Variants in PPP1R14C observed in about 807,000 individuals in gnomAD.
The protein encoded by PPP1R14C is protein phosphatase 1 regulatory inhibitor subunit 14C.
In PPP1R14C, 16 loss-of-function variants were observed where a neutral mutation model predicts 20.4. That is an observed-to-expected ratio of 0.78 (90% confidence interval 0.53 to 1.19). The LOEUF (loss-of-function observed/expected upper bound fraction) is 1.19. Among genes scored for constraint, PPP1R14C ranks in the 50% most tolerant of loss-of-function variants. The pLI, the probability that PPP1R14C is intolerant of heterozygous loss-of-function variation, is 0.00. For missense variants in PPP1R14C, 211 were observed against 220.1 expected, an observed-to-expected ratio of 0.96 and a Z score of 0.26; for synonymous variants, 91 against 91.0, an observed-to-expected ratio of 1.00 and a Z score of 0.00.
chr6:150,215,047 G>A (rs1433223367), intron 2 of PPP1R14C, among the ~76,000 whole-genome samples: 3 of 152,154 alleles, frequency 2.0e-5, no homozygotes, highest in Non-Finnish European at 4.4e-5. Context: ...TTTTCAAAGC[G>A]CCTTATGGGT....
At chr6:150,239,512 G>C (rs1778406950) in intron 3 of PPP1R14C, among the ~76,000 whole-genome samples, 1 of 152,126 alleles carries the variant, frequency 6.6e-6, no homozygotes, top group African/African-American at 2.4e-5. Context: ...GAAATTAGAA[G>C]CTATTTTAAA....
At chr6:150,228,835 A>G (rs888332189) in intron 3 of PPP1R14C, among the ~76,000 whole-genome samples, 1 of 152,180 alleles carries the variant, frequency 6.6e-6, no homozygotes, top group African/African-American at 2.4e-5. Flanking sequence ...TAATAATAAT[A>G]GTGATCAGAA....
At chr6:150,169,467 T>G (rs1777473881) in intron 1 of PPP1R14C, among the ~76,000 whole-genome samples, 1 of 152,192 alleles carries the variant, frequency 6.6e-6, no homozygotes, top group Admixed American at 6.5e-5. Context: ...TATCCAACTA[T>G]GTTGGACTTC....
At chr6:150,247,884 G>A (rs1582938347) in intron 3 of PPP1R14C, among the ~76,000 whole-genome samples, 1 of 152,202 alleles carries the variant, frequency 6.6e-6, no homozygotes, top group African/African-American at 2.4e-5. Context: ...ATGAGTCCCT[G>A]TCTTAGTAGT....
chr6:150,143,514 G>A lies in PPP1R14C; in HGVS notation c.306+16G>A, dbSNP rs752369022. 4 of 1,512,680 alleles carry A rather than the reference G, an allele frequency of 2.6e-6. No homozygotes were observed. Among genetic ancestry groups the A allele is most frequent in the Non-Finnish European group, 3.6e-6 (4 of 1,109,018 alleles). The allele number at this position is 1,512,680 out of a possible 1,614,324, so 93.7% of individuals were successfully genotyped here. On this transcript the variant is annotated intron_variant, in intron 1 of 3. Transcript: ENST00000361131. The surrounding 1 kb of genome is among the most constrained non-coding windows in gnomAD (Gnocchi z 5.6). ...CGGCTGCGAGGTACCTGGGCGCGGG[G>A]CTGGGAGGGTCGGGGACCTCTCTAG...
At chr6:150,189,009 C>T (rs1270900605) in intron 1 of PPP1R14C, among the ~76,000 whole-genome samples, 1 of 151,998 alleles carries the variant, frequency 6.6e-6, no homozygotes, top group Non-Finnish European at 1.5e-5. Flanking sequence ...CAGGTGTGCG[C>T]CACCATGCCC....
intron 1 of PPP1R14C, among the ~76,000 whole-genome samples, chr6:150,145,394 T>A (rs1396910169): frequency 6.6e-6 from 1 of 152,232 alleles, no homozygotes; most frequent in Non-Finnish European, 1.5e-5. Flanking sequence ...TGCCTGCATG[T>A]CATTAACGTG....
chr6:150,192,452 A>G (rs1777756664), intron 1 of PPP1R14C, among the ~76,000 whole-genome samples: 1 of 152,110 alleles, frequency 6.6e-6, no homozygotes, highest in Non-Finnish European at 1.5e-5. Flanking sequence ...TCCTATGAGA[A>G]TCTAGTGCTC....
chr6:150,190,247 A>T (rs1777725584), intron 1 of PPP1R14C, among the ~76,000 whole-genome samples: 1 of 151,884 alleles, frequency 6.6e-6, no homozygotes, highest in Non-Finnish European at 1.5e-5. Context: ...TTCCTCTTCA[A>T]TGTCTCCACC....
intron 1 of PPP1R14C, among the ~76,000 whole-genome samples, chr6:150,184,155 C>A (rs1205423882): frequency 6.6e-6 from 1 of 152,142 alleles, no homozygotes; most frequent in Non-Finnish European, 1.5e-5. Flanking sequence ...AGTCACACAT[C>A]CAAGTGCGCG....
rs1195609693 is a variant in PPP1R14C, at chr6:150,194,496, CA to C, written c.307-20246del. 19 of 978,358 alleles carry C rather than the reference CA, an allele frequency of 1.9e-5. No individual in the cohort carries two copies. In the African/African-American group the frequency reaches 3.2e-4, roughly 16 times the overall value. The allele number at this position is 978,358 out of a possible 1,614,324, so 60.6% of individuals were successfully genotyped here. A position where few individuals can be genotyped will look rare whatever the true frequency, so the allele number is the denominator to read the frequency against. On this transcript the variant is annotated intron_variant, in intron 1 of 3. Transcript: ENST00000361131. Reference sequence around the variant, plus strand: ...AAGAGAACCAAATAATGTTCTACTACAATTTGTATGCCAATTATAAATCATG... The same window carrying C: ...AAGAGAACCAAATAATGTTCTACTACATTTGTATGCCAATTATAAATCATG...
chr6:150,144,400 G>A (rs764061792), intron 1 of PPP1R14C, among the ~76,000 whole-genome samples: 1 of 152,026 alleles, frequency 6.6e-6, no homozygotes, highest in Non-Finnish European at 1.5e-5. Flanking sequence ...GCAGCAAAAC[G>A]ACTGAAGCCA....
rs192594192 is a variant in PPP1R14C at position 150,201,619 on chromosome 6, C to T, written c.307-13125C>T. 6.6e-5 allele frequency among the ~76,000 whole-genome samples: 10 copies of T among 152,210 alleles called. No homozygotes were observed. Among genetic ancestry groups the T allele is most frequent in the East Asian group, 3.9e-4 (2 of 5,182 alleles). ...GTCCTAAGACTGGTAGGAAGCCACC[C>T]GTGAGTTCTAAGCTGGTGAATGACA... is the stretch of plus-strand genomic sequence containing the variant. On this transcript the variant is annotated intron_variant, in intron 1 of 3. Coordinates refer to ENST00000361131, the MANE Select transcript of PPP1R14C (RefSeq NM_030949.3). The surrounding 1 kb of genome is among the most constrained non-coding windows in gnomAD (Gnocchi z 4.2).
At position 150,243,174 on chromosome 6, in the gene PPP1R14C, CTT is replaced by C. The variant is rs574248701; in HGVS notation, c.424-5554_424-5553del. Among the ~76,000 whole-genome samples, 773 of 129,250 alleles carry C rather than the reference CTT, an allele frequency of 6.0e-3. 6 individuals are homozygous for C. Among genetic ancestry groups the C allele is most frequent in the African/African-American group, 0.021 (708 of 34,242 alleles). The allele number at this position is 129,250 out of a possible 152,430, so 84.8% of individuals were successfully genotyped here. A position where few individuals can be genotyped will look rare whatever the true frequency, so the allele number is the denominator to read the frequency against. On this transcript the variant is annotated intron_variant, in intron 3 of 3. Coordinates refer to ENST00000361131, the MANE Select transcript of PPP1R14C (RefSeq NM_030949.3). ...AATTTACAAGCTGATTCTAAAATTCCTTTTTTTTTTTTTTTTTTTGAGATGGA... is the reference window on the plus strand; with the variant it reads ...AATTTACAAGCTGATTCTAAAATTCCTTTTTTTTTTTTTTTTTGAGATGGA...
intron 3 of PPP1R14C, among the ~76,000 whole-genome samples, chr6:150,235,088 T>C (rs369121422): frequency 6.6e-6 from 1 of 152,158 alleles, no homozygotes; most frequent in South Asian, 2.1e-4. Context: ...GAAATGTTTT[T>C]TCTTTGTTGT....
intron 1 of PPP1R14C, among the ~76,000 whole-genome samples, chr6:150,149,057 A>G (rs1250138904): frequency 1.3e-5 from 2 of 152,114 alleles, no homozygotes; most frequent in Non-Finnish European, 2.9e-5. Context: ...AGCCTGCCTC[A>G]AATAAAAAGA....
chr6:150,225,078 TA>T (rs1447192703), intron 3 of PPP1R14C, among the ~76,000 whole-genome samples: 1 of 151,978 alleles, frequency 6.6e-6, no homozygotes, highest in African/African-American at 2.4e-5. Flanking sequence ...CAGGCTCTAC[TA>T]AAACCCTGTC....
chr6:150,159,032 A>C (rs1368186637), intron 1 of PPP1R14C, among the ~76,000 whole-genome samples: 1 of 152,198 alleles, frequency 6.6e-6, no homozygotes, highest in East Asian at 1.9e-4. Context: ...CAGGAAAGAC[A>C]GTCTCTGAGG....
At chr6:150,181,238 G>A (rs1201452316) in intron 1 of PPP1R14C, among the ~76,000 whole-genome samples, 4 of 152,060 alleles carry the variant, frequency 2.6e-5, no homozygotes, top group Admixed American at 6.5e-5. Context: ...GTGCAGTGGC[G>A]CGATCTCATC....
Sources: allele counts gnomAD v4.1 joint callset (sites outside exome capture counted in the v4.1 genomes callset), GRCh38; gene constraint gnomAD v4.1.1; non-coding constraint Gnocchi (gnomAD v3.1); transcripts MANE v1.5; gene names NCBI Gene and HGNC (gene_info 2026-07-23, HGNC 2026-07-21).